Variants in RSF1 observed in about 807,000 individuals in gnomAD.
RSF1 encodes the protein HBV pX-associated protein 8.
Under a neutral mutation model 145.2 loss-of-function variants are expected in RSF1, and 13 were observed. The ratio of observed to expected loss-of-function variants is 0.09; its 90% CI spans 0.06 to 0.14. The LOEUF (loss-of-function observed/expected upper bound fraction) is 0.14. Ranked by LOEUF, RSF1 falls within the 10% of genes least tolerant of loss-of-function variation. The pLI, the probability that RSF1 is intolerant of heterozygous loss-of-function variation, is 1.00. For missense variants in RSF1, 1,517 were observed against 1,718.2 expected (o/e 0.88, Z 2.07); for synonymous variants, 577 against 592.6 (o/e 0.97, Z 0.38).
intron 9 of RSF1, among the ~76,000 whole-genome samples, chr11:77,688,974 T>C (rs1052494604): frequency 1.3e-5 from 2 of 152,160 alleles, no homozygotes; most frequent in African/African-American, 2.4e-5. Context: ...GTGAGAGGAT[T>C]ATGGGACAAG....
the RSF1 span, among the ~76,000 whole-genome samples, chr11:77,867,834 G>GT: frequency 2.0e-5 from 3 of 152,300 alleles, no homozygotes; most frequent in East Asian, 5.8e-4. Flanking sequence ...ACTTTTCAGA[G>GT]TGATTGGTAG....
chr11:77,819,041 A>G (rs1215367693), intron 1 of RSF1, among the ~76,000 whole-genome samples: 1 of 152,234 alleles, frequency 6.6e-6, no homozygotes, highest in Non-Finnish European at 1.5e-5. Context: ...TTCGGTAGCC[A>G]TAACATCATA....
chr11:77,781,985 A>G (rs1299426686), intron 1 of RSF1, among the ~76,000 whole-genome samples: 10 of 152,224 alleles, frequency 6.6e-5, no homozygotes, highest in Non-Finnish European at 1.5e-4. Context: ...TTAGTTGGCT[A>G]TAGTAATATA....
chr11:77,825,163 TG>T (rs1949110806), upstream of RSF1, among the ~76,000 whole-genome samples: 2 of 152,204 alleles, frequency 1.3e-5, no homozygotes, highest in East Asian at 3.9e-4. Flanking sequence ...TTTGTATTTT[TG>T]GTAGAGACGG....
intron 9 of RSF1, among the ~76,000 whole-genome samples, chr11:77,685,398 T>C (rs1303670304): frequency 6.6e-6 from 1 of 152,112 alleles, no homozygotes; most frequent in Non-Finnish European, 1.5e-5. Flanking sequence ...CGGGTTCAAG[T>C]GATTCTACTG....
chr11:77,820,440 G>A (rs1948854854), intron 1 of RSF1, 88 bp downstream of exon 1: 2 of 1,364,046 alleles, frequency 1.5e-6, no homozygotes, highest in Admixed American at 2.4e-5. Context: ...GGAGGCCCGA[G>A]CCGCGAAGAA....
intron 5 of RSF1, among the ~76,000 whole-genome samples, chr11:77,707,635 C>G (rs934754781): frequency 6.6e-6 from 1 of 152,092 alleles, no homozygotes; most frequent in Non-Finnish European, 1.5e-5. Context: ...TTTAACCAAC[C>G]AGCAAAGTTT....
chr11:77,822,981 C>T (rs1948988244), upstream of RSF1, among the ~76,000 whole-genome samples: 1 of 152,032 alleles, frequency 6.6e-6, no homozygotes, highest in African/African-American at 2.4e-5. Context: ...TTTGGGAGGT[C>T]GAGACGGGCG....
At chr11:77,696,513 C>T (rs1960281727) in intron 7 of RSF1, among the ~76,000 whole-genome samples, 1 of 152,178 alleles carries the variant, frequency 6.6e-6, no homozygotes, top group Non-Finnish European at 1.5e-5. Context: ...TATTTGGGAT[C>T]TTCAGTTTCC....
At position 77,685,122 on chromosome 11, in the gene RSF1, T is replaced by C; in HGVS notation, c.2938A>G (p.Asn980Asp). 1 of 1,561,342 alleles carries C rather than the reference T, an allele frequency of 6.4e-7. No homozygotes were observed. Among genetic ancestry groups the C allele is most frequent in the Non-Finnish European group, 8.7e-7 (1 of 1,153,766 alleles). ...AAACTTACTTGTGGAGGAATGATGTTTTCAATACTGATACCAACATACACC... is the reference window on the plus strand; with the variant it reads ...AAACTTACTTGTGGAGGAATGATGTCTTCAATACTGATACCAACATACACC... ...RLVYVGISIENIIPPQEPDFS... is the reference protein window; with the variant it reads ...RLVYVGISIEDIIPPQEPDFS... The change falls in exon 10 of 16, where the codon AAC becomes GAC. Residue 980 changes from asparagine (N) to aspartate (D), a missense_variant. Coordinates refer to ENST00000308488, the MANE Select transcript of RSF1 (RefSeq NM_016578.4).
intron 1 of RSF1, among the ~76,000 whole-genome samples, chr11:77,791,755 C>A (rs1442003090): frequency 6.6e-6 from 1 of 152,206 alleles, no homozygotes; most frequent in East Asian, 1.9e-4. Context: ...CAGTTCCCAG[C>A]AAGTTCCTCT....
intron 2 of RSF1, among the ~76,000 whole-genome samples, chr11:77,752,740 G>A (rs1054778951): frequency 6.6e-6 from 1 of 152,066 alleles, no homozygotes; most frequent in Non-Finnish European, 1.5e-5. Flanking sequence ...CTTGAATAGG[G>A]GCTGAGTAAC....
Position 77,661,241 on chromosome 11 carries a change from G to A in RSF1, c.*5676C>T, listed in dbSNP as rs1465591092. On this transcript the variant is annotated 3_prime_UTR_variant, in exon 16 of 16. Coordinates refer to ENST00000308488, the MANE Select transcript of RSF1 (RefSeq NM_016578.4). ...TTTCAAAGTGTACACACAACCTCAT[G>A]GCAGGTTTGGGCAAGCTACAACAGA... is the stretch of plus-strand genomic sequence containing the variant. The A allele has an allele frequency of 6.6e-6, 1 of 152,040 alleles. No homozygotes were observed. The allele number at this position is 152,040 out of a possible 1,614,324, so 9.4% of individuals were successfully genotyped here.
intron 2 of RSF1, among the ~76,000 whole-genome samples, chr11:77,750,121 TTAGC>T (rs1948046422): frequency 1.3e-5 from 2 of 151,934 alleles, no homozygotes; most frequent in East Asian, 1.9e-4. Context: ...AATCCACTAA[TTAGC>T]TATGCACAAA....
chr11:77,667,476 T>C lies in RSF1; in HGVS notation c.3767A>G (p.Lys1256Arg), dbSNP rs867818490. ...AGCTAGCTCATCATCTTCAGAGTTC[T>C]TGGACAAATAGCTCTCTAGAATAAA... is the stretch of plus-strand genomic sequence containing the variant. ...SSESEESYLS[K>R]NSEDDELAKE... Residue 1256 changes from lysine to arginine, a missense_variant, in exon 16 of 16, where the codon AAG becomes AGG. Lys to Arg is a conservative substitution (Grantham distance 26). Coordinates refer to ENST00000308488, the MANE Select transcript of RSF1 (RefSeq NM_016578.4). The C allele has an allele frequency of 1.1e-5, 18 of 1,610,300 alleles. No individual in the cohort carries two copies. The highest frequency in any genetic ancestry group is 8.0e-5 in the African/African-American group (6 of 75,054).
At chr11:77,795,004 A>G (rs1239573578) in intron 1 of RSF1, among the ~76,000 whole-genome samples, 1 of 152,210 alleles carries the variant, frequency 6.6e-6, no homozygotes, top group African/African-American at 2.4e-5. Context: ...ATGCCGCAAG[A>G]GACAAAAATC....
At chr11:77,813,825 A>C in intron 1 of RSF1, 1 of 135,406 alleles carries the variant, frequency 7.4e-6, no homozygotes, top group Non-Finnish European at 1.3e-5. Flanking sequence ...AAAAGGACAC[A>C]CACACACACA....
chr11:77,690,182 A>T (rs78040914), intron 9 of RSF1, among the ~76,000 whole-genome samples: 24,820 of 149,400 alleles, frequency 0.17, 2,574 homozygotes, highest in African/African-American at 0.26. Flanking sequence ...AAAAAAAAAC[A>T]AAAAACCTTC....
In RSF1 at chr11:77,708,859, C is replaced by T. The variant is rs146347511; in HGVS notation, c.734-6364G>A. Among the ~76,000 whole-genome samples the T allele has an allele frequency of 3.8e-4, 58 of 152,264 alleles. No individual in the cohort carries two copies. In the East Asian group the frequency reaches 0.011, roughly 29 times the overall value. On this transcript the variant is annotated intron_variant, in intron 5 of 15. Coordinates refer to ENST00000308488, the MANE Select transcript of RSF1 (RefSeq NM_016578.4). ...TGCTAACCTTGTTTTTTCTATGAAA[C>T]AGACCAGCAAACTTTCTATAAAGGG...
Sources: gnomAD v4.1 joint callset for allele counts (sites outside exome capture counted in the v4.1 genomes callset) on GRCh38, gnomAD v4.1.1 for gene constraint, MANE v1.5 for transcripts, NCBI Gene and HGNC (gene_info 2026-07-23, HGNC 2026-07-21) for gene names.